RAB40B: variants seen among roughly 807,000 people sequenced by gnomAD.
The protein encoded by RAB40B is RAB40B, member RAS oncogene family.
A neutral mutation model predicts 24.0 loss-of-function variants in RAB40B; 21 were observed. The observed-to-expected ratio is 0.88, with a 90% CI of 0.62 to 1.26. RAB40B has a LOEUF of 1.26. Among genes scored for constraint, RAB40B ranks in the 50% most tolerant of loss-of-function variants. RAB40B has a pLI of 0.00. For missense variants in RAB40B, 348 were observed against 390.5 expected (o/e 0.89, Z 0.92); for synonymous variants, 167 against 169.8 (o/e 0.98, Z 0.13).
At position 82,675,433 on chromosome 17, in the gene RAB40B, C is replaced by T. The variant is rs138620962; in HGVS notation, c.143-10877G>A. ...TCACAGCAGCACTTGGCCCTTCTCC[C>T]GAATCTATTCTGCTCCCGTGGATGG... is the stretch of plus-strand genomic sequence containing the variant. On this transcript the variant is annotated intron_variant, in intron 1 of 5. Coordinates refer to ENST00000571995, the MANE Select transcript of RAB40B (RefSeq NM_006822.3). This position sits in a 1 kb window ranked among gnomAD's most constrained non-coding sequence, Gnocchi z 4.5. Among the ~76,000 whole-genome samples, 223 of 152,324 alleles carry T rather than the reference C, an allele frequency of 1.5e-3. 1 individual carries two copies. Among genetic ancestry groups the T allele is most frequent in the African/African-American group, 4.2e-3 (173 of 41,556 alleles).
chr17:82,694,490 C>A (rs1469469470), intron 1 of RAB40B, among the ~76,000 whole-genome samples: 2 of 151,554 alleles, frequency 1.3e-5, no homozygotes. Flanking sequence ...TGAGATCACA[C>A]CACTGCACTC....
chr17:82,689,751 G>A (rs1012808717), intron 1 of RAB40B, among the ~76,000 whole-genome samples: 4 of 152,034 alleles, frequency 2.6e-5, no homozygotes, highest in Non-Finnish European at 4.4e-5. Flanking sequence ...GGTGGATCAC[G>A]AGGTCAGGAG....
At chr17:82,660,190 T>C (rs1298271734) in intron 3 of RAB40B, among the ~76,000 whole-genome samples, 3 of 150,298 alleles carry the variant, frequency 2.0e-5, no homozygotes, top group Non-Finnish European at 4.4e-5. Context: ...TGCATACACA[T>C]ACACATAGGC....
chr17:82,682,158 C>T (rs180845761), intron 1 of RAB40B, among the ~76,000 whole-genome samples: 3 of 151,944 alleles, frequency 2.0e-5, no homozygotes, highest in African/African-American at 7.3e-5. Flanking sequence ...TGCACACACA[C>T]ACATACACCT....
intron 1 of RAB40B, among the ~76,000 whole-genome samples, chr17:82,674,637 TA>T (rs34107818): frequency 0.74 from 106,156 of 143,486 alleles, 39,295 homozygotes; most frequent in East Asian, 0.84. Context: ...AGACTCGTCT[TA>T]AAAAAAAAAA....
At chr17:82,676,553 C>T (rs1457144206) in intron 1 of RAB40B, among the ~76,000 whole-genome samples, 2 of 152,004 alleles carry the variant, frequency 1.3e-5, no homozygotes, top group African/African-American at 2.4e-5. Context: ...ATTCCCTTTG[C>T]ATTCGGATGG....
intron 1 of RAB40B, among the ~76,000 whole-genome samples, chr17:82,671,612 A>C (rs1307827630): frequency 9.5e-6 from 1 of 105,124 alleles, no homozygotes; most frequent in East Asian, 3.4e-4. Flanking sequence ...CCCTGTACCC[A>C]CTGACACAGC....
chr17:82,660,788 C>T lies in RAB40B; in HGVS notation c.264+199G>A, dbSNP rs1053914866. ...ATGCACACACAGTCCCGTAAATGCA[C>T]GCTTACATCCGTAATACTGATGAAG... On this transcript the variant is annotated intron_variant, in intron 3 of 5. Coordinates refer to ENST00000571995, the MANE Select transcript of RAB40B (RefSeq NM_006822.3). Among the ~76,000 whole-genome samples, 4 of 152,250 alleles carry T rather than the reference C, an allele frequency of 2.6e-5. No individual in the cohort carries two copies. In the East Asian group the frequency reaches 5.8e-4, roughly 22 times the overall value.
intron 4 of RAB40B, 103 bp from the exon 5 acceptor site, chr17:82,658,816 G>T (rs2046123041): frequency 1.9e-6 from 2 of 1,051,072 alleles, no homozygotes; most frequent in Non-Finnish European, 1.4e-6. Context: ...ACGAGTTCAT[G>T]TCCACCCAGA....
intron 1 of RAB40B, among the ~76,000 whole-genome samples, chr17:82,680,612 T>G (rs759172734): frequency 6.6e-6 from 1 of 152,252 alleles, no homozygotes; most frequent in Non-Finnish European, 1.5e-5. Context: ...AATATTTCAG[T>G]GTAGTTCATT....
intron 1 of RAB40B, among the ~76,000 whole-genome samples, chr17:82,695,443 G>A (rs971257584): frequency 6.6e-6 from 1 of 151,084 alleles, no homozygotes; most frequent in African/African-American, 2.5e-5. Context: ...GCCCACCTTG[G>A]CCTCCCCAAG....
chr17:82,679,984 C>G (rs1598310291), intron 1 of RAB40B, among the ~76,000 whole-genome samples: 1 of 152,232 alleles, frequency 6.6e-6, no homozygotes, highest in African/African-American at 2.4e-5. Context: ...ACAGAGGGGC[C>G]AGATCCCAGA....
chr17:82,689,661 C>T (rs933057122), intron 1 of RAB40B, among the ~76,000 whole-genome samples: 1 of 152,138 alleles, frequency 6.6e-6, no homozygotes, highest in African/African-American at 2.4e-5. Flanking sequence ...ACAAGTGGTA[C>T]CGCAGGAGGT....
At chr17:82,694,078 A>C (rs915628527) in intron 1 of RAB40B, among the ~76,000 whole-genome samples, 2 of 139,070 alleles carry the variant, frequency 1.4e-5, no homozygotes, top group Admixed American at 1.4e-4. Context: ...GCGAGACTCC[A>C]TCTCAAAAAA....
chr17:82,679,508 C>T (rs903486575), intron 1 of RAB40B, among the ~76,000 whole-genome samples: 12 of 152,178 alleles, frequency 7.9e-5, no homozygotes, highest in African/African-American at 2.9e-4. Flanking sequence ...GTCTCGATCT[C>T]CTGATCTTGT....
chr17:82,670,435 T>G (rs2046319076), intron 1 of RAB40B, among the ~76,000 whole-genome samples: 1 of 152,114 alleles, frequency 6.6e-6, no homozygotes, highest in South Asian at 2.1e-4. Context: ...TCCACCTGCC[T>G]TGGCCTCCCA....
At chr17:82,664,332 G>T (rs1467695002) in intron 2 of RAB40B, among the ~76,000 whole-genome samples, 164 bp downstream of exon 2, 1 of 143,288 alleles carries the variant, frequency 7.0e-6, no homozygotes. Context: ...GCTCCCCGGG[G>T]TGCTGTGCCG....
rs2046564117 is a variant in RAB40B, at chr17:82,692,074, T to TTGCC, written c.142+6380_142+6381insGGCA. Among the ~76,000 whole-genome samples the TTGCC allele has an allele frequency of 2.2e-5, 2 of 90,248 alleles. No individual in the cohort carries two copies. The highest frequency in any genetic ancestry group is 4.6e-5 in the African/African-American group (1 of 21,678). The allele number at this position is 90,248 out of a possible 152,430, so 59.2% of individuals were successfully genotyped here. ...GGCCCGCACGGTCCGTGGGCTGAGG[T>TTGCC]GACAGGCAGAGCAGTGGGGCCCGCA... On this transcript the variant is annotated intron_variant, in intron 1 of 5. Coordinates refer to ENST00000571995, the MANE Select transcript of RAB40B (RefSeq NM_006822.3). This position sits in a 1 kb window ranked among gnomAD's most constrained non-coding sequence, Gnocchi z 4.0.
intron 1 of RAB40B, among the ~76,000 whole-genome samples, chr17:82,679,132 C>T (rs1018534671): frequency 6.6e-6 from 1 of 151,240 alleles, no homozygotes; most frequent in African/African-American, 2.4e-5. Context: ...ATCCACCTGC[C>T]TCGGCCTCCC....
Sources: allele counts gnomAD v4.1 joint callset (sites outside exome capture counted in the v4.1 genomes callset), GRCh38; gene constraint gnomAD v4.1.1; non-coding constraint Gnocchi (gnomAD v3.1); transcripts MANE v1.5; gene names NCBI Gene and HGNC (gene_info 2026-07-23, HGNC 2026-07-21).